The following SPINT2 variants were observed in gnomAD, a reference collection of about 807,000 sequenced individuals.
SPINT2 encodes the protein kunitz-type protease inhibitor 2.
In SPINT2, 18 loss-of-function variants were observed where a neutral mutation model predicts 30.1. The ratio of observed to expected loss-of-function variants is 0.60; its 90% confidence interval spans 0.41 to 0.89. The LOEUF is 0.89. SPINT2 is among the 40% of genes least tolerant of loss of function. The pLI, the probability that SPINT2 is intolerant of heterozygous loss-of-function variation, is 0.00. For synonymous variants in SPINT2, 139 were observed against 137.9 expected, an observed-to-expected ratio of 1.01 and a Z score of -0.05; for missense variants, 276 against 334.3, an observed-to-expected ratio of 0.83 and a Z score of 1.36.
At chr19:38,274,411 G>A (rs949610874) in intron 1 of SPINT2, among the ~76,000 whole-genome samples, 7 of 152,004 alleles carry the variant, frequency 4.6e-5, no homozygotes, top group African/African-American at 1.7e-4. Context: ...TGGCATGTCT[G>A]GGGATTTTTA....
intron 1 of SPINT2, among the ~76,000 whole-genome samples, chr19:38,274,086 C>T (rs1209043807): frequency 1.3e-5 from 2 of 151,986 alleles, no homozygotes; most frequent in Non-Finnish European, 2.9e-5. Flanking sequence ...CAAAAATTAA[C>T]CGGGTATGGT....
At chr19:38,274,761 G>A (rs377659705) in intron 1 of SPINT2, among the ~76,000 whole-genome samples, 13 of 151,476 alleles carry the variant, frequency 8.6e-5, no homozygotes, top group African/African-American at 2.7e-4. Flanking sequence ...GTTGCAGTGA[G>A]CCTAGATCGC....
intron 1 of SPINT2, among the ~76,000 whole-genome samples, chr19:38,278,578 A>G (rs375390281): frequency 2.0e-4 from 31 of 152,302 alleles, no homozygotes; most frequent in East Asian, 1.5e-3. Flanking sequence ...GCACTTTCAG[A>G]GGCGGAGGCA....
Position 38,292,395 on chromosome 19 carries a change from A to C in SPINT2, c.*389A>C, listed in dbSNP as rs1291281605. 1 of 175,372 alleles carries C rather than the reference A, an allele frequency of 5.7e-6. No individual in the cohort carries two copies. The allele number at this position is 175,372 out of a possible 1,614,324, so 10.9% of individuals were successfully genotyped here. ...AAAAGTTTTTTATTAGCATTCTGAA[A>C]GAAGGAAAGTAAAATGTACAAGTTT... On this transcript the variant is annotated 3_prime_UTR_variant, in exon 7 of 7. Coordinates refer to ENST00000301244, the MANE Select transcript of SPINT2 (RefSeq NM_021102.4).
chr19:38,287,610 A>G (rs1308006024), intron 2 of SPINT2, among the ~76,000 whole-genome samples: 1 of 150,506 alleles, frequency 6.6e-6, no homozygotes. Flanking sequence ...TACAGCCATG[A>G]GCCACCACAC....
intron 1 of SPINT2, among the ~76,000 whole-genome samples, chr19:38,278,606 C>A (rs948672183): frequency 6.6e-6 from 1 of 152,154 alleles, no homozygotes; most frequent in African/African-American, 2.4e-5. Context: ...CACTTGAGAC[C>A]AGCCTGGGCA....
At chr19:38,280,213 G>A (rs1219732836) in intron 1 of SPINT2, among the ~76,000 whole-genome samples, 2 of 152,156 alleles carry the variant, frequency 1.3e-5, no homozygotes, top group African/African-American at 2.4e-5. Flanking sequence ...CCCCAGAAAG[G>A]AAGCGTCTCA....
intron 1 of SPINT2, among the ~76,000 whole-genome samples, chr19:38,282,126 G>A (rs1319552524): frequency 6.6e-6 from 1 of 152,180 alleles, no homozygotes; most frequent in Non-Finnish European, 1.5e-5. Context: ...TTGCAGAGTA[G>A]CAACCTTTTT....
At chr19:38,273,823 T>C (rs1416818498) in intron 1 of SPINT2, among the ~76,000 whole-genome samples, 1 of 152,198 alleles carries the variant, frequency 6.6e-6, no homozygotes, top group East Asian at 1.9e-4. Flanking sequence ...GTCAGCATGC[T>C]TGGTTGGACT....
At chr19:38,281,174 T>A (rs1172215355) in intron 1 of SPINT2, among the ~76,000 whole-genome samples, 2 of 152,208 alleles carry the variant, frequency 1.3e-5, no homozygotes, top group Non-Finnish European at 2.9e-5. Flanking sequence ...TTGTTGATTA[T>A]GTGTTTTGTG....
Position 38,290,503 on chromosome 19 carries a change from G to A in SPINT2, c.554-34G>A, listed in dbSNP as rs1215534765. The A allele has an allele frequency of 1.2e-6, 2 of 1,613,856 alleles. No homozygotes were observed. Among genetic ancestry groups the A allele is most frequent in the East Asian group, 2.2e-5 (1 of 44,880 alleles). On this transcript the variant is annotated intron_variant, in intron 5 of 6. Transcript: ENST00000301244. The surrounding 1 kb of genome is among the most constrained non-coding windows in gnomAD (Gnocchi z 4.3). ...GCGGCAGCTCTGTGGAATGGGGGCT[G>A]TGAGCTGACCTCAGGCTGTGTGTTC...
intron 1 of SPINT2, among the ~76,000 whole-genome samples, chr19:38,282,183 A>G (rs1968588316): frequency 6.6e-6 from 1 of 152,216 alleles, no homozygotes. Context: ...CATGCCCATC[A>G]CTGTGACATA....
intron 1 of SPINT2, among the ~76,000 whole-genome samples, chr19:38,277,748 G>A (rs1258351883): frequency 1.3e-5 from 2 of 152,190 alleles, no homozygotes; most frequent in Non-Finnish European, 2.9e-5. Context: ...ATGCCTGCGA[G>A]GATTTTGTAA....
intron 1 of SPINT2, among the ~76,000 whole-genome samples, chr19:38,269,772 G>C (rs573503139): frequency 6.6e-6 from 1 of 152,086 alleles, no homozygotes; most frequent in East Asian, 1.9e-4. Context: ...GCCACGCCCG[G>C]CTAATTTTTT....
chr19:38,277,284 C>T (rs1968531432), intron 1 of SPINT2, among the ~76,000 whole-genome samples: 1 of 151,508 alleles, frequency 6.6e-6, no homozygotes. Context: ...AGGTCTCTGT[C>T]ACCCAGGCCT....
At position 38,280,433 on chromosome 19, in the gene SPINT2, A is replaced by G. The variant is rs1342429908; in HGVS notation, c.107-3194A>G. On this transcript the variant is annotated intron_variant, in intron 1 of 6. Transcript: ENST00000301244. ...CAGCATGCAACCTGCTTGACAGAAT[A>G]CAGTGATGTTCTCACTGTAAATTCA... 2.0e-5 allele frequency among the ~76,000 whole-genome samples: 3 copies of G among 152,292 alleles called. No homozygotes were observed. In the East Asian group the frequency reaches 5.8e-4, roughly 29 times the overall value.
chr19:38,292,102 G>A lies in SPINT2; in HGVS notation c.*96G>A. ...TGACTCGGATTTGAGTGATCATTAG[G>A]GCTGAGGTCTGTTTCTCTGGGAGGT... On this transcript the variant is annotated 3_prime_UTR_variant, in exon 7 of 7. Coordinates refer to ENST00000301244, the MANE Select transcript of SPINT2 (RefSeq NM_021102.4). 1 of 1,512,022 alleles carries A rather than the reference G, an allele frequency of 6.6e-7. No homozygotes were observed. Among genetic ancestry groups the A allele is most frequent in the Non-Finnish European group, 9.0e-7 (1 of 1,117,100 alleles). The allele number at this position is 1,512,022 out of a possible 1,614,324, so 93.7% of individuals were successfully genotyped here.
intron 1 of SPINT2, chr19:38,265,220 C>A (rs184179420): frequency 1.4e-5 from 7 of 502,244 alleles, no homozygotes; most frequent in Admixed American, 6.7e-5. Context: ...AGGAGAGTTT[C>A]CTTCGGGTGG....
chr19:38,264,752 G>A lies in SPINT2; in HGVS notation c.-141G>A. On this transcript the variant is annotated 5_prime_UTR_variant, in exon 1 of 7. Transcript: ENST00000301244. ...CGGAAAGGCGACTTCCGGGGGCTTT[G>A]GCACCTGGCGGACCCTCCCGGAGCG... 1 of 854,402 alleles carries A rather than the reference G, an allele frequency of 1.2e-6. No homozygotes were observed. Among genetic ancestry groups the A allele is most frequent in the Non-Finnish European group, 1.8e-6 (1 of 557,744 alleles). 52.9% of individuals were successfully genotyped at this position (854,402 alleles called of 1,614,324 possible).
Sources: allele counts gnomAD v4.1 joint callset (sites outside exome capture counted in the v4.1 genomes callset), GRCh38; gene constraint gnomAD v4.1.1; non-coding constraint Gnocchi (gnomAD v3.1); transcripts MANE v1.5; gene names NCBI Gene and HGNC (gene_info 2026-07-23, HGNC 2026-07-21).